Variants in PMM2 observed in about 807,000 individuals in gnomAD.
PMM2 encodes phosphomannomutase 2.
A neutral mutation model predicts 33.2 loss-of-function variants in PMM2; 35 were observed. The ratio of observed to expected loss-of-function variants is 1.06; its 90% CI spans 0.81 to 1.40. The LOEUF (loss-of-function observed/expected upper bound fraction) is 1.40, where lower values mean the gene tolerates loss of function less well. PMM2 is among the 40% of genes most tolerant of loss of function. The pLI is 0.00. For missense variants in PMM2, 386 were observed against 306.0 expected (o/e 1.26, Z -1.95); for synonymous variants, 153 against 114.7 (o/e 1.33, Z -2.13).
chr16:8,814,272 C>T (rs1009784392), intron 7 of PMM2, among the ~76,000 whole-genome samples: 3 of 152,162 alleles, frequency 2.0e-5, no homozygotes, highest in African/African-American at 7.2e-5. Context: ...TGACAGGCCG[C>T]GCCCAGCCCC....
At chr16:8,846,885 A>G (rs540353577) in intron 7 of PMM2, among the ~76,000 whole-genome samples, 2 of 152,206 alleles carry the variant, frequency 1.3e-5, no homozygotes, top group South Asian at 4.1e-4. Flanking sequence ...TTTATTTAAG[A>G]TAGAGTCTCC....
At chr16:8,824,348 C>G (rs1049229379) in intron 7 of PMM2, among the ~76,000 whole-genome samples, 4 of 152,058 alleles carry the variant, frequency 2.6e-5, no homozygotes, top group African/African-American at 7.2e-5. Context: ...AAGGATAAAA[C>G]CAAGACAGCA....
intron 7 of PMM2, chr16:8,832,109 C>G (rs1020066972): frequency 5.1e-6 from 5 of 984,106 alleles, no homozygotes; most frequent in Non-Finnish European, 6.0e-6. Flanking sequence ...GTCCGCTTCA[C>G]TTGCTTTGCA....
chr16:8,846,864 C>T (rs572831627), intron 7 of PMM2, among the ~76,000 whole-genome samples: 1 of 152,160 alleles, frequency 6.6e-6, no homozygotes, highest in South Asian at 2.1e-4. Flanking sequence ...TCATGTGGGG[C>T]CATTTATTTA....
rs1159665459 is a variant in PMM2 at position 8,802,348 on chromosome 16, G to C, written c.178+438G>C. The C allele has an allele frequency of 1.3e-5, 6 of 454,952 alleles. No homozygotes were observed. In the Admixed American group the frequency reaches 1.4e-4, roughly 11 times the overall value. 28.2% of individuals were successfully genotyped at this position (454,952 alleles called of 1,614,324 possible). Reference sequence around the variant, plus strand: ...GGCTTATTGACCCCTTCACTGGAGAGTCTGACTTGATAGGTCTGTGGAGCC... The same window carrying C: ...GGCTTATTGACCCCTTCACTGGAGACTCTGACTTGATAGGTCTGTGGAGCC... On this transcript the variant is annotated intron_variant, in intron 2 of 7. Coordinates refer to ENST00000268261, the MANE Select transcript of PMM2 (RefSeq NM_000303.3).
At chr16:8,829,611 C>G (rs898510475) in intron 7 of PMM2, among the ~76,000 whole-genome samples, 1 of 152,194 alleles carries the variant, frequency 6.6e-6, no homozygotes, top group Non-Finnish European at 1.5e-5. Context: ...CATCTTTGAT[C>G]CACTCCACTC....
intron 7 of PMM2, among the ~76,000 whole-genome samples, chr16:8,824,977 A>T (rs1322457913): frequency 6.6e-6 from 1 of 152,244 alleles, no homozygotes; most frequent in Non-Finnish European, 1.5e-5. Context: ...ATTCTTCAAA[A>T]GAGAAAACCA....
chr16:8,808,209 A>C (rs548838485), intron 4 of PMM2: 1 of 152,242 alleles, frequency 6.6e-6, no homozygotes, highest in East Asian at 1.9e-4. Flanking sequence ...CAGGCTGGAC[A>C]TGGACTTGGT....
At chr16:8,816,411 C>T (rs2060708389) in intron 7 of PMM2, among the ~76,000 whole-genome samples, 1 of 151,386 alleles carries the variant, frequency 6.6e-6, no homozygotes, top group Admixed American at 6.6e-5. Flanking sequence ...TAGGCGTGAG[C>T]CACCACACTG....
chr16:8,848,163 A>C lies in PMM2; in HGVS notation c.*338A>C. ...ATTCTAGGATGATACAGAAAGAAAA[A>C]CTGTGCCTGGACCCTCCCTCTTGGT... On this transcript the variant is annotated 3_prime_UTR_variant, in exon 8 of 8. Coordinates refer to ENST00000268261, the MANE Select transcript of PMM2 (RefSeq NM_000303.3). 3.4e-6 allele frequency: 1 copy of C among 294,098 alleles called. No homozygotes were observed. Among genetic ancestry groups the C allele is most frequent in the Non-Finnish European group, 6.7e-6 (1 of 150,146 alleles). The allele number at this position is 294,098 out of a possible 1,614,324, so 18.2% of individuals were successfully genotyped here.
intron 7 of PMM2, among the ~76,000 whole-genome samples, chr16:8,827,889 G>GATATATT (rs2060784715): frequency 2.5e-5 from 1 of 40,194 alleles, no homozygotes. Flanking sequence ...TATAATATAT[G>GATATATT]ATATATATGA....
intron 1 of PMM2, among the ~76,000 whole-genome samples, chr16:8,799,272 G>C (rs2060597462): frequency 6.6e-6 from 1 of 152,106 alleles, no homozygotes; most frequent in Admixed American, 6.5e-5. Flanking sequence ...GGTTTACATT[G>C]CCACCCTTTT....
intron 7 of PMM2, among the ~76,000 whole-genome samples, chr16:8,823,924 G>A (rs758341349): frequency 2.9e-4 from 44 of 152,212 alleles, no homozygotes; most frequent in Non-Finnish European, 4.0e-4. Context: ...TTGAAAGTAT[G>A]TCGTACCAGT....
intron 7 of PMM2, among the ~76,000 whole-genome samples, chr16:8,827,719 CATATATATATATAT>C (rs60052078): frequency 0.14 from 9,033 of 66,804 alleles, 654 homozygotes; most frequent in Non-Finnish European, 0.16. Flanking sequence ...TAAATGTGTG[CATATATATATATAT>C]ATATATATAT....
intron 4 of PMM2, chr16:8,808,929 C>G (rs1263778015): frequency 6.6e-6 from 1 of 152,230 alleles, no homozygotes. Flanking sequence ...GCCTCTTTCT[C>G]TGCAAGTTGA....
chr16:8,832,702 A>G, intron 7 of PMM2: 1 of 985,404 alleles, frequency 1.0e-6, no homozygotes. Context: ...ATCCTGTTGT[A>G]AAGTAATCTG....
intron 7 of PMM2, among the ~76,000 whole-genome samples, chr16:8,816,099 T>G (rs1289064574): frequency 1.3e-5 from 2 of 152,148 alleles, no homozygotes; most frequent in Non-Finnish European, 2.9e-5. Context: ...TACAATGAGA[T>G]AAACCTCACA....
chr16:8,834,358 G>A (rs1186088843), intron 7 of PMM2, among the ~76,000 whole-genome samples: 19 of 152,148 alleles, frequency 1.2e-4, no homozygotes, highest in South Asian at 4.1e-4. Flanking sequence ...AGGCTGGTCC[G>A]TTATCAGACT....
intron 7 of PMM2, among the ~76,000 whole-genome samples, chr16:8,838,833 T>G (rs1326286041): frequency 2.6e-5 from 4 of 152,050 alleles, no homozygotes; most frequent in Admixed American, 2.0e-4. Context: ...TGCTTGAGTT[T>G]TTTTATGTTG....
Sources: allele counts gnomAD v4.1 joint callset (sites outside exome capture counted in the v4.1 genomes callset), GRCh38; gene constraint gnomAD v4.1.1; transcripts MANE v1.5; gene names NCBI Gene and HGNC (gene_info 2026-07-23, HGNC 2026-07-21).